Variants in KIF26B observed in about 807,000 individuals in gnomAD.
KIF26B encodes kinesin family member 26B, also known as kinesin-like protein KIF26B.
Under a neutral mutation model 151.2 loss-of-function variants are expected in KIF26B, and 63 were observed. The observed-to-expected ratio is 0.42, with a 90% CI of 0.34 to 0.51. The LOEUF (loss-of-function observed/expected upper bound fraction) is 0.51. KIF26B is among the 20% of genes least tolerant of loss of function. KIF26B has a pLI of 0.07. For synonymous variants in KIF26B, 1,357 were observed against 1,262.1 expected (o/e 1.08, Z -1.59); for missense variants, 2,813 against 2,913.6 (o/e 0.97, Z 0.79).
At chr1:245,642,668 C>T (rs1054619310) in intron 9 of KIF26B, among the ~76,000 whole-genome samples, 1 of 152,026 alleles carries the variant, frequency 6.6e-6, no homozygotes, top group African/African-American at 2.4e-5. Context: ...AGGATAGTTC[C>T]CCAACTATCA....
chr1:245,349,623 G>GT (rs1672526530), intron 2 of KIF26B, among the ~76,000 whole-genome samples: 1 of 149,872 alleles, frequency 6.7e-6, no homozygotes. Flanking sequence ...GGGTTTAAAG[G>GT]TTTTTTCAGA....
At chr1:245,616,534 G>GC (rs1298029481) in intron 9 of KIF26B, among the ~76,000 whole-genome samples, 2 of 152,166 alleles carry the variant, frequency 1.3e-5, no homozygotes, top group African/African-American at 4.8e-5. Flanking sequence ...TTGGGAATGG[G>GC]ACCCAAATCT....
chr1:245,265,134 G>A (rs1573741422), intron 2 of KIF26B, among the ~76,000 whole-genome samples: 3 of 151,092 alleles, frequency 2.0e-5, no homozygotes, highest in South Asian at 2.1e-4. Context: ...CCCGGGAGGC[G>A]GAGCTGGCAG....
chr1:245,603,317 A>G (rs2043417004), intron 6 of KIF26B, among the ~76,000 whole-genome samples: 1 of 152,160 alleles, frequency 6.6e-6, no homozygotes, highest in Non-Finnish European at 1.5e-5. Context: ...GTGAAGGGGA[A>G]GAAGAGAGGC....
intron 5 of KIF26B, among the ~76,000 whole-genome samples, chr1:245,575,870 TG>T (rs1247171105): frequency 2.0e-5 from 3 of 152,196 alleles, no homozygotes; most frequent in Non-Finnish European, 2.9e-5. Context: ...GAGGCAACTG[TG>T]GCCTGAACTC....
chr1:245,401,060 C>T (rs1191255181), intron 3 of KIF26B, among the ~76,000 whole-genome samples: 1 of 152,084 alleles, frequency 6.6e-6, no homozygotes, highest in African/African-American at 2.4e-5. Flanking sequence ...TTCAAGTTCC[C>T]AGTTGAGATG....
chr1:245,280,607 T>G (rs1196177734), intron 2 of KIF26B, among the ~76,000 whole-genome samples: 10 of 146,760 alleles, frequency 6.8e-5, no homozygotes, highest in Non-Finnish European at 1.2e-4. Context: ...GTTTTTTTTT[T>G]TTTTTTTTTT....
chr1:245,504,486 G>T (rs992229480), intron 4 of KIF26B, among the ~76,000 whole-genome samples: 1 of 149,940 alleles, frequency 6.7e-6, no homozygotes, highest in Non-Finnish European at 1.5e-5. Context: ...AGGCTGAAGT[G>T]CCACCCCTGT....
chr1:245,542,879 C>G (rs1477878899), intron 5 of KIF26B, among the ~76,000 whole-genome samples: 1 of 152,196 alleles, frequency 6.6e-6, no homozygotes, highest in Non-Finnish European at 1.5e-5. Context: ...TGAAATCAAG[C>G]TGTCAGTGCA....
intron 3 of KIF26B, among the ~76,000 whole-genome samples, chr1:245,412,511 G>A (rs1440456671): frequency 6.6e-6 from 1 of 152,214 alleles, no homozygotes; most frequent in Non-Finnish European, 1.5e-5. Context: ...CGCCCATGCT[G>A]ACACACTCTG....
chr1:245,284,191 A>T (rs192043850), intron 2 of KIF26B, among the ~76,000 whole-genome samples: 1 of 152,130 alleles, frequency 6.6e-6, no homozygotes, highest in Non-Finnish European at 1.5e-5. Context: ...CTTTTTATCA[A>T]TGGTATATAG....
intron 4 of KIF26B, among the ~76,000 whole-genome samples, chr1:245,504,258 T>C (rs547034602): frequency 6.6e-6 from 1 of 152,050 alleles, no homozygotes; most frequent in East Asian, 2.0e-4. Context: ...TCCAACCCCT[T>C]CCCACCTTCC....
rs888578196 is a variant in KIF26B at position 245,404,947 on chromosome 1, G to A, written c.1000-14632G>A. Among the ~76,000 whole-genome samples, 7 of 152,272 alleles carry A rather than the reference G, an allele frequency of 4.6e-5. No homozygotes were observed. In the South Asian group the frequency reaches 1.5e-3, roughly 32 times the overall value. On this transcript the variant is annotated intron_variant, in intron 3 of 14. Coordinates refer to ENST00000407071, the MANE Select transcript of KIF26B (RefSeq NM_018012.4). The stretch of plus-strand genomic sequence containing the variant: ...AGAATTCAGGTTCAAGGAAGGACTT[G>A]GAGAATAGTCAAAACATTACTACAC...
intron 4 of KIF26B, among the ~76,000 whole-genome samples, chr1:245,521,772 A>G (rs572776392): frequency 6.6e-6 from 1 of 152,332 alleles, no homozygotes; most frequent in African/African-American, 2.4e-5. Context: ...ATGGCTCCTG[A>G]CCTTATGAAA....
intron 5 of KIF26B, among the ~76,000 whole-genome samples, chr1:245,585,465 C>T (rs1164427500): frequency 2.0e-5 from 3 of 151,730 alleles, no homozygotes; most frequent in Non-Finnish European, 4.4e-5. Flanking sequence ...TCTGTCTAGT[C>T]GGTGAGCTAA....
intron 4 of KIF26B, among the ~76,000 whole-genome samples, chr1:245,451,585 CTT>C (rs58192966): frequency 1.7e-3 from 99 of 58,738 alleles, no homozygotes; most frequent in African/African-American, 3.2e-3. Context: ...GAAGATCTAT[CTT>C]TTTTTTTTTT....
intron 3 of KIF26B, among the ~76,000 whole-genome samples, chr1:245,396,211 T>C (rs1301299679): frequency 2.0e-5 from 3 of 152,312 alleles, no homozygotes; most frequent in African/African-American, 7.2e-5. Flanking sequence ...TACAAGGGAA[T>C]ATAATGTTAG....
chr1:245,256,195 C>T (rs1480331488), intron 2 of KIF26B, among the ~76,000 whole-genome samples: 5 of 152,250 alleles, frequency 3.3e-5, no homozygotes, highest in African/African-American at 1.2e-4. Context: ...AATCTAAGAT[C>T]CTTCTCTTCA....
intron 2 of KIF26B, among the ~76,000 whole-genome samples, chr1:245,267,121 C>G (rs1670760875): frequency 6.6e-6 from 1 of 152,202 alleles, no homozygotes; most frequent in South Asian, 2.1e-4. Flanking sequence ...GCATTTCATT[C>G]TGCACAAACC....
Sources: gnomAD v4.1 joint callset for allele counts (sites outside exome capture counted in the v4.1 genomes callset) on GRCh38, gnomAD v4.1.1 for gene constraint, MANE v1.5 for transcripts, NCBI Gene and HGNC (gene_info 2026-07-23, HGNC 2026-07-21) for gene names.